The following GIPC2 variants were observed in gnomAD, a reference collection of about 807,000 sequenced individuals.
GIPC2 encodes the protein PDZ domain-containing protein GIPC2.
Under a neutral mutation model 30.6 loss-of-function variants are expected in GIPC2, and 30 were observed. That is an observed-to-expected ratio of 0.98 (90% CI 0.73 to 1.33). The LOEUF is 1.33. Among genes scored for constraint, GIPC2 ranks in the 40% most tolerant of loss-of-function variants. The probability of loss-of-function intolerance (pLI) is 0.00; values close to 1 mark genes in which losing one functional copy is unlikely to be tolerated. For missense variants in GIPC2, 414 were observed against 390.3 expected (o/e 1.06, Z -0.51); for synonymous variants, 167 against 150.0 (o/e 1.11, Z -0.83).
intron 3 of GIPC2, among the ~76,000 whole-genome samples, chr1:78,100,242 C>T (rs1409045505): frequency 6.6e-6 from 1 of 152,202 alleles, no homozygotes; most frequent in Non-Finnish European, 1.5e-5. Context: ...GCCATTTGTA[C>T]ACATCTCTTC....
chr1:78,092,427 A>G (rs1387824098), intron 2 of GIPC2, among the ~76,000 whole-genome samples: 2 of 152,222 alleles, frequency 1.3e-5, no homozygotes, highest in African/African-American at 2.4e-5. Flanking sequence ...AAGACAGGTG[A>G]AAGTTCCTGA....
At chr1:78,109,403 C>T (rs1377333978) in intron 3 of GIPC2, among the ~76,000 whole-genome samples, 1 of 152,196 alleles carries the variant, frequency 6.6e-6, no homozygotes, top group Non-Finnish European at 1.5e-5. Flanking sequence ...TTACCAATGG[C>T]AACTCATAAC....
intron 2 of GIPC2, among the ~76,000 whole-genome samples, chr1:78,085,985 G>A (rs752589731): frequency 7.5e-5 from 11 of 147,586 alleles, no homozygotes; most frequent in East Asian, 2.0e-4. Context: ...TTATTTTTGC[G>A]TCTCTAGTTC....
chr1:78,132,925 C>T (rs189896701), intron 5 of GIPC2, among the ~76,000 whole-genome samples: 1 of 152,228 alleles, frequency 6.6e-6, no homozygotes. Context: ...TTAATAAATG[C>T]TACCTGTAAA....
chr1:78,059,885 G>A (rs1661361353), intron 1 of GIPC2, among the ~76,000 whole-genome samples: 2 of 152,204 alleles, frequency 1.3e-5, no homozygotes, highest in Non-Finnish European at 2.9e-5. Context: ...AGCACTCTGT[G>A]AATTAGAGAT....
intron 1 of GIPC2, among the ~76,000 whole-genome samples, chr1:78,064,261 C>A (rs1157337641): frequency 1.3e-5 from 2 of 152,314 alleles, no homozygotes; most frequent in East Asian, 3.9e-4. Context: ...TAGTTTCCCC[C>A]CATCCTTCCA....
chr1:78,110,503 T>C (rs1002351502), intron 3 of GIPC2, among the ~76,000 whole-genome samples: 2 of 152,234 alleles, frequency 1.3e-5, no homozygotes, highest in South Asian at 4.1e-4. Context: ...GAGAGAATTG[T>C]CCTTAATGCC....
chr1:78,101,393 G>A (rs1401072021), intron 3 of GIPC2, among the ~76,000 whole-genome samples: 3 of 152,212 alleles, frequency 2.0e-5, no homozygotes, highest in Non-Finnish European at 2.9e-5. Context: ...TTCAACCAGT[G>A]TGTTTAGAAC....
At chr1:78,065,863 C>G (rs1178335163) in intron 1 of GIPC2, among the ~76,000 whole-genome samples, 1 of 152,032 alleles carries the variant, frequency 6.6e-6, no homozygotes, top group Non-Finnish European at 1.5e-5. Flanking sequence ...TAAAGCTGGA[C>G]CTTTTCCTTA....
At chr1:78,072,310 G>A (rs921757928) in intron 1 of GIPC2, among the ~76,000 whole-genome samples, 3 of 152,174 alleles carry the variant, frequency 2.0e-5, no homozygotes, top group African/African-American at 7.2e-5. Flanking sequence ...CTGGAAGTGG[G>A]AGCCAGTATC....
chr1:78,053,743 C>CA, intron 1 of GIPC2, among the ~76,000 whole-genome samples: 1 of 51,478 alleles, frequency 1.9e-5, no homozygotes, highest in Non-Finnish European at 4.1e-5. Context: ...TACCCTGCCT[C>CA]TTAAAAAAAA....
Position 78,116,559 on chromosome 1 carries a change from A to G in GIPC2, c.608-2834A>G, listed in dbSNP as rs1393652663. Reference sequence around the variant, plus strand: ...TGTGATGTTCCCCTTCCTGTGTCCAAGTGTTCTCATTGTTCAATTCCCACC... The same window carrying G: ...TGTGATGTTCCCCTTCCTGTGTCCAGGTGTTCTCATTGTTCAATTCCCACC... On this transcript the variant is annotated intron_variant, in intron 3 of 5. Transcript: ENST00000370759. Among the ~76,000 whole-genome samples the G allele has an allele frequency of 2.0e-5, 3 of 151,540 alleles. 1 individual carries two copies. The highest frequency in any genetic ancestry group is 7.3e-5 in the African/African-American group (3 of 41,200).
chr1:78,092,049 C>T, intron 2 of GIPC2: 12 of 1,528,608 alleles, frequency 7.9e-6, no homozygotes, highest in Admixed American at 1.7e-5. Context: ...TCTACTGGCT[C>T]CAAGTAGACC....
intron 2 of GIPC2, 97 bp from the exon 3 acceptor site, chr1:78,094,855 C>T (rs1662106927): frequency 1.3e-6 from 1 of 792,726 alleles, no homozygotes. Context: ...CAAGTACTAA[C>T]CAGGCCCAAA....
At chr1:78,130,926 C>T (rs1437108463) in intron 5 of GIPC2, among the ~76,000 whole-genome samples, 1 of 152,106 alleles carries the variant, frequency 6.6e-6, no homozygotes, top group African/African-American at 2.4e-5. Context: ...TAAATGTAGT[C>T]CAGTGGCAGT....
At chr1:78,057,254 G>A (rs531020993) in intron 1 of GIPC2, among the ~76,000 whole-genome samples, 6 of 152,204 alleles carry the variant, frequency 3.9e-5, no homozygotes, top group Admixed American at 1.3e-4. Context: ...TGTCTGTACG[G>A]TGAAGCAACT....
intron 3 of GIPC2, among the ~76,000 whole-genome samples, chr1:78,095,786 A>G (rs977173669): frequency 6.6e-6 from 1 of 152,132 alleles, no homozygotes; most frequent in Non-Finnish European, 1.5e-5. Context: ...TAATAAGCCA[A>G]ACCAAGGCCT....
Position 78,094,955 on chromosome 1 carries a change from A to G in GIPC2, c.430A>G (p.Ile144Val). 1.9e-6 allele frequency: 3 copies of G among 1,573,136 alleles called. No homozygotes were observed. The highest frequency in any genetic ancestry group is 2.6e-6 in the Non-Finnish European group (3 of 1,143,476). ...GTTATCATCAATTTCCTTTCAGAGA[A>G]TTAAAGATGGTGGTGTTATTGACTC... ...NGVGYAFIKR[I>V]KDGGVIDSVK... The change falls in exon 3 of 6, where the codon ATT becomes GTT. Residue 144 changes from isoleucine (I) to valine (V), a missense_variant. Ile to Val is a conservative substitution (Grantham distance 29, BLOSUM62 3). Transcript: ENST00000370759.
chr1:78,080,637 A>C (rs1571493310), intron 1 of GIPC2, 38 bp from the exon 2 acceptor site: 1 of 1,190,924 alleles, frequency 8.4e-7, no homozygotes, highest in Non-Finnish European at 1.2e-6. Flanking sequence ...GATGTATTCC[A>C]AGTGGAAATG....
Sources: allele counts gnomAD v4.1 joint callset (sites outside exome capture counted in the v4.1 genomes callset), GRCh38; gene constraint gnomAD v4.1.1; transcripts MANE v1.5; gene names NCBI Gene and HGNC (gene_info 2026-07-23, HGNC 2026-07-21).